SGCD: variants seen among roughly 807,000 people sequenced by gnomAD.
SGCD encodes sarcoglycan delta, also known as delta-sarcoglycan.
SGCD carries 18 observed loss-of-function variants against 36.6 expected under a neutral mutation model. The observed-to-expected ratio is 0.49, with a 90% CI of 0.34 to 0.73. The LOEUF is 0.73. Ranked by LOEUF, SGCD falls within the 30% of genes least tolerant of loss-of-function variation. The pLI is 0.01. For synonymous variants in SGCD, 133 were observed against 130.6 expected (o/e 1.02, Z -0.12); for missense variants, 387 against 346.7 (o/e 1.12, Z -0.92).
intron 1 of SGCD, among the ~76,000 whole-genome samples, chr5:155,911,279 T>C (rs906326071): frequency 1.4e-5 from 2 of 146,390 alleles, no homozygotes; most frequent in Admixed American, 1.4e-4. Context: ...ATCTAACTTA[T>C]ATGAGTATAG....
intron 3 of SGCD, among the ~76,000 whole-genome samples, chr5:156,195,882 A>T (rs1764013435): frequency 6.6e-6 from 1 of 152,210 alleles, no homozygotes; most frequent in Non-Finnish European, 1.5e-5. Flanking sequence ...CAGAGGCAGC[A>T]GTTGATTCCC....
At chr5:156,514,057 G>T (rs538761265) in intron 4 of SGCD, among the ~76,000 whole-genome samples, 1 of 152,278 alleles carries the variant, frequency 6.6e-6, no homozygotes, top group East Asian at 1.9e-4. Flanking sequence ...CAATGTGATT[G>T]GATATCTTTT....
intron 3 of SGCD, among the ~76,000 whole-genome samples, chr5:156,315,290 T>C (rs1767487434): frequency 6.6e-6 from 1 of 151,544 alleles, no homozygotes; most frequent in Admixed American, 6.6e-5. Context: ...ATTCCACATA[T>C]AAGTAGAATC....
chr5:156,519,272 G>A lies in SGCD; in HGVS notation c.294+10570G>A, dbSNP rs1757308855. ...TTCCTGGACACATACACCCTTCCCA[G>A]ACTGAATGAGGAAAAAGTTGATTCC... is the stretch of plus-strand genomic sequence containing the variant. On this transcript the variant is annotated intron_variant, in intron 4 of 8. Transcript: ENST00000337851. Among the ~76,000 whole-genome samples the A allele has an allele frequency of 2.0e-5, 3 of 151,954 alleles. No homozygotes were observed. In the East Asian group the frequency reaches 5.8e-4, roughly 29 times the overall value.
chr5:156,556,833 T>C (rs898293084), intron 4 of SGCD, among the ~76,000 whole-genome samples: 2 of 152,112 alleles, frequency 1.3e-5, no homozygotes, highest in Non-Finnish European at 2.9e-5. Flanking sequence ...TCAGAAAAAA[T>C]AGCTGCTTCT....
intron 3 of SGCD, among the ~76,000 whole-genome samples, chr5:156,186,667 G>C (rs574917162): frequency 6.6e-6 from 1 of 152,248 alleles, no homozygotes; most frequent in East Asian, 1.9e-4. Context: ...GCTTTCTTGG[G>C]CTCTAGCCTG....
At chr5:155,994,760 A>G (rs1436936477) in intron 1 of SGCD, among the ~76,000 whole-genome samples, 1 of 152,208 alleles carries the variant, frequency 6.6e-6, no homozygotes, top group Non-Finnish European at 1.5e-5. Context: ...TAGAATGTCA[A>G]GGGTCTTTTG....
At chr5:156,090,418 G>A (rs1231809157) in intron 1 of SGCD, among the ~76,000 whole-genome samples, 1 of 152,148 alleles carries the variant, frequency 6.6e-6, no homozygotes, top group Non-Finnish European at 1.5e-5. Context: ...GACTGTGATG[G>A]CGACCTCGAG....
rs537043595 is a variant in SGCD at position 156,085,026 on chromosome 5, C to T, written c.-281-32852C>T. On this transcript the variant is annotated intron_variant, in intron 1 of 9. Coordinates refer to the SGCD transcript ENST00000517913. Reference sequence around the variant, plus strand: ...TGAATGTTGAACCTACCTTGCATACCTGGAATAAATCTCAAAAATCAATTG... The same window carrying T: ...TGAATGTTGAACCTACCTTGCATACTTGGAATAAATCTCAAAAATCAATTG... Among the ~76,000 whole-genome samples the T allele has an allele frequency of 3.9e-5, 6 of 152,232 alleles. No individual in the cohort carries two copies. The South Asian group carries it at 8.3e-4, about 21-fold the overall frequency.
chr5:156,032,912 A>AATT (rs1759386378), intron 1 of SGCD, among the ~76,000 whole-genome samples: 1 of 151,156 alleles, frequency 6.6e-6, no homozygotes. Context: ...TCTACACAAA[A>AATT]ATTAAAATAA....
intron 1 of SGCD, among the ~76,000 whole-genome samples, chr5:155,959,906 C>T (rs889668279): frequency 4.6e-5 from 7 of 151,992 alleles, no homozygotes; most frequent in Non-Finnish European, 7.4e-5. Flanking sequence ...ACATGCTAGT[C>T]GATTTCAGAA....
At chr5:155,858,724 A>T in the SGCD span, among the ~76,000 whole-genome samples, 4 of 152,194 alleles carry the variant, frequency 2.6e-5, no homozygotes, top group East Asian at 7.7e-4. Flanking sequence ...TTGGAGGAGA[A>T]GTTCTGGGTC....
intron 3 of SGCD, among the ~76,000 whole-genome samples, chr5:156,306,196 C>G (rs991831936): frequency 2.0e-5 from 3 of 152,156 alleles, no homozygotes; most frequent in Admixed American, 2.0e-4. Context: ...TGTCACCACC[C>G]GTATCTCATC....
At chr5:156,162,439 G>T (rs1561545303) in intron 3 of SGCD, among the ~76,000 whole-genome samples, 1 of 151,450 alleles carries the variant, frequency 6.6e-6, no homozygotes, top group Non-Finnish European at 1.5e-5. Flanking sequence ...TGTGGCGTGA[G>T]GTCTTAATAG....
At chr5:156,286,060 G>A (rs1185907522) in intron 3 of SGCD, among the ~76,000 whole-genome samples, 2 of 152,176 alleles carry the variant, frequency 1.3e-5, no homozygotes, top group East Asian at 1.9e-4. Flanking sequence ...GCAGCCAAAA[G>A]ACACATCAAA....
chr5:155,774,466 T>C, the SGCD span, among the ~76,000 whole-genome samples: 3 of 152,186 alleles, frequency 2.0e-5, no homozygotes, highest in African/African-American at 7.2e-5. Flanking sequence ...TTTCTTCTTG[T>C]TCTGGAGGTC....
chr5:156,153,763 T>A (rs1762882755), intron 3 of SGCD, among the ~76,000 whole-genome samples: 1 of 151,546 alleles, frequency 6.6e-6, no homozygotes, highest in African/African-American at 2.4e-5. Flanking sequence ...TGGAAATCAA[T>A]AGAGAGTTGC....
chr5:156,389,023 A>G (rs1317612798), intron 3 of SGCD, among the ~76,000 whole-genome samples: 1 of 152,188 alleles, frequency 6.6e-6, no homozygotes, highest in Non-Finnish European at 1.5e-5. Context: ...TATCTAGAGT[A>G]AGGCTGACAC....
Position 156,134,276 on chromosome 5 carries a change from G to C in SGCD, c.-44+10257G>C, listed in dbSNP as rs151075889. On this transcript the variant is annotated intron_variant, in intron 3 of 9. Transcript: ENST00000517913. ...CAATCTATGCCCATCTCATATATTT[G>C]TTATGAAGATCAAAGTGGCATAAAT... Among the ~76,000 whole-genome samples, 13 of 152,188 alleles carry C rather than the reference G, an allele frequency of 8.5e-5. No individual in the cohort carries two copies. In the East Asian group the frequency reaches 2.1e-3, roughly 25 times the overall value.
Sources: gnomAD v4.1 joint callset for allele counts (sites outside exome capture counted in the v4.1 genomes callset) on GRCh38, gnomAD v4.1.1 for gene constraint, MANE v1.5 for transcripts, NCBI Gene and HGNC (gene_info 2026-07-23, HGNC 2026-07-21) for gene names.